The following LRFN5 variants were observed in gnomAD, a reference collection of about 807,000 sequenced individuals.
LRFN5 encodes the protein leucine rich repeat and fibronectin type III domain containing 5.
Under a neutral mutation model 45.6 loss-of-function variants are expected in LRFN5, and 24 were observed. The observed-to-expected ratio is 0.53, with a 90% confidence interval of 0.38 to 0.74. The LOEUF is 0.74. LRFN5 is among the 30% of genes least tolerant of loss of function. The probability of loss-of-function intolerance (pLI) is 0.00; values close to 1 mark genes in which losing one functional copy is unlikely to be tolerated. For missense variants in LRFN5, 776 were observed against 861.5 expected (o/e 0.90, Z 1.24); for synonymous variants, 340 against 313.8 (o/e 1.08, Z -0.88).
chr14:41,734,316 T>A lies in LRFN5; in HGVS notation c.-196-32538T>A, dbSNP rs866937193. Among the ~76,000 whole-genome samples, 29 of 38,788 alleles carry A rather than the reference T, an allele frequency of 7.5e-4. No homozygotes were observed. In the East Asian group the frequency reaches 8.0e-3, roughly 11 times the overall value. 25.4% of individuals were successfully genotyped at this position (38,788 alleles called of 152,430 possible). A position where few individuals can be genotyped will look rare whatever the true frequency, so the allele number is the denominator to read the frequency against. The stretch of plus-strand genomic sequence containing the variant: ...GTGAGCCACCTTTCCTGGACTGGTT[T>A]TATATATATATATATATATATATAT... On this transcript the variant is annotated intron_variant, in intron 1 of 5. Coordinates refer to ENST00000298119, the MANE Select transcript of LRFN5 (RefSeq NM_152447.5).
intron 2 of LRFN5, among the ~76,000 whole-genome samples, chr14:41,838,082 T>C (rs1888725043): frequency 6.6e-6 from 1 of 152,164 alleles, no homozygotes; most frequent in Non-Finnish European, 1.5e-5. Flanking sequence ...AAAAAGGAAA[T>C]GTGTGCTTAT....
At chr14:41,797,851 A>G (rs982970468) in intron 2 of LRFN5, among the ~76,000 whole-genome samples, 1 of 151,856 alleles carries the variant, frequency 6.6e-6, no homozygotes, top group Admixed American at 6.6e-5. Flanking sequence ...TACTCAGTGT[A>G]CCATACATGT....
intron 2 of LRFN5, among the ~76,000 whole-genome samples, chr14:41,810,978 C>T (rs1887716475): frequency 1.3e-5 from 2 of 151,858 alleles, no homozygotes. Context: ...GACAATAAAG[C>T]CATCTATTAG....
At chr14:41,706,926 G>A (rs1288292300) in intron 1 of LRFN5, among the ~76,000 whole-genome samples, 1 of 152,126 alleles carries the variant, frequency 6.6e-6, no homozygotes, top group Non-Finnish European at 1.5e-5. Flanking sequence ...GTTGTGCTTA[G>A]CATCTTTTAC....
intron 1 of LRFN5, among the ~76,000 whole-genome samples, chr14:41,721,671 T>C (rs1312761807): frequency 1.3e-5 from 2 of 152,206 alleles, no homozygotes; most frequent in African/African-American, 4.8e-5. Context: ...ATTTCTTTTC[T>C]TTAAGAATGC....
intron 1 of LRFN5, among the ~76,000 whole-genome samples, chr14:41,696,314 A>G (rs1230408233): frequency 1.3e-5 from 2 of 151,986 alleles, no homozygotes; most frequent in South Asian, 4.1e-4. Context: ...GACAGTGGAT[A>G]CAGAATGTTA....
At chr14:41,760,476 A>G (rs749879485) in intron 1 of LRFN5, among the ~76,000 whole-genome samples, 19 of 152,190 alleles carry the variant, frequency 1.2e-4, no homozygotes, top group Non-Finnish European at 2.2e-4. Context: ...GCACTTTCTC[A>G]TTTGCACATT....
At chr14:41,637,852 T>C (rs756977681) in intron 1 of LRFN5, among the ~76,000 whole-genome samples, 20 of 152,278 alleles carry the variant, frequency 1.3e-4, no homozygotes, top group Non-Finnish European at 2.1e-4. Flanking sequence ...CAGATTGTCA[T>C]GTGAATTTAG....
intron 2 of LRFN5, among the ~76,000 whole-genome samples, chr14:41,869,423 T>C (rs568076414): frequency 2.6e-5 from 4 of 151,772 alleles, no homozygotes; most frequent in Non-Finnish European, 5.9e-5. Context: ...GTTAACTTTA[T>C]GCAGCTTTTT....
intron 1 of LRFN5, among the ~76,000 whole-genome samples, chr14:41,658,262 A>G (rs1443937410): frequency 1.3e-5 from 2 of 152,016 alleles, no homozygotes; most frequent in African/African-American, 2.4e-5. Context: ...TAATTTTCCA[A>G]TGAAGAGGGA....
chr14:41,880,279 T>C (rs1240418964), intron 2 of LRFN5, among the ~76,000 whole-genome samples: 1 of 151,704 alleles, frequency 6.6e-6, no homozygotes, highest in Non-Finnish European at 1.5e-5. Context: ...TTCTATTTTT[T>C]GATCTGATTT....
At chr14:41,755,670 A>G (rs1885344126) in intron 1 of LRFN5, among the ~76,000 whole-genome samples, 1 of 152,070 alleles carries the variant, frequency 6.6e-6, no homozygotes, top group Non-Finnish European at 1.5e-5. Flanking sequence ...TCTGCACATG[A>G]GATGTGTTTT....
chr14:41,817,006 T>G (rs1377130596), intron 2 of LRFN5, among the ~76,000 whole-genome samples: 1 of 151,166 alleles, frequency 6.6e-6, no homozygotes, highest in Non-Finnish European at 1.5e-5. Context: ...AAGTTTTTTT[T>G]TTTTTTTTTT....
intron 2 of LRFN5, among the ~76,000 whole-genome samples, chr14:41,851,818 T>C (rs1055149581): frequency 6.6e-6 from 1 of 151,818 alleles, no homozygotes; most frequent in African/African-American, 2.4e-5. Context: ...TCTCAGGCCT[T>C]TGCTCATAAT....
At chr14:41,650,896 AGAGG>A (rs58845118) in intron 1 of LRFN5, among the ~76,000 whole-genome samples, 2,641 of 80,798 alleles carry the variant, frequency 0.033, 63 homozygotes, top group African/African-American at 0.07. Flanking sequence ...AGAGAGAGAG[AGAGG>A]GAGGGAGGGA....
chr14:41,636,926 T>C (rs1487830386), intron 1 of LRFN5, among the ~76,000 whole-genome samples: 1 of 152,162 alleles, frequency 6.6e-6, no homozygotes, highest in Non-Finnish European at 1.5e-5. Flanking sequence ...TTGGGTTATA[T>C]ACCTCAGCGG....
chr14:41,769,999 T>A (rs1886022467), intron 2 of LRFN5, among the ~76,000 whole-genome samples: 1 of 152,138 alleles, frequency 6.6e-6, no homozygotes, highest in Non-Finnish European at 1.5e-5. Context: ...GGAAGTGTGG[T>A]GGTGAGCCCC....
chr14:41,844,399 C>T (rs955658436), intron 2 of LRFN5, among the ~76,000 whole-genome samples: 29 of 148,814 alleles, frequency 1.9e-4, no homozygotes, highest in East Asian at 4.0e-4. Flanking sequence ...ATCTTGCCAC[C>T]ACACTCCAGC....
At chr14:41,793,500 T>C (rs1268625191) in intron 2 of LRFN5, among the ~76,000 whole-genome samples, 1 of 152,110 alleles carries the variant, frequency 6.6e-6, no homozygotes, top group Non-Finnish European at 1.5e-5. Context: ...CATGGTGTAA[T>C]CTTTGTTGTC....
Sources: allele counts gnomAD v4.1 joint callset (sites outside exome capture counted in the v4.1 genomes callset), GRCh38; gene constraint gnomAD v4.1.1; transcripts MANE v1.5; gene names NCBI Gene and HGNC (gene_info 2026-07-23, HGNC 2026-07-21).